IFT88: variants seen among roughly 807,000 people sequenced by gnomAD.
IFT88 encodes intraflagellar transport 88.
In IFT88, 74 loss-of-function variants were observed where a neutral mutation model predicts 119.5. The ratio of observed to expected loss-of-function variants is 0.62; its 90% CI spans 0.51 to 0.75. The LOEUF (loss-of-function observed/expected upper bound fraction) is 0.75. Ranked by LOEUF, IFT88 falls within the 30% of genes least tolerant of loss-of-function variation. IFT88 has a pLI of 0.00. For missense variants in IFT88, 961 were observed against 977.7 expected, an observed-to-expected ratio of 0.98 and a Z score of 0.23; for synonymous variants, 279 against 316.7, an observed-to-expected ratio of 0.88 and a Z score of 1.26.
intron 13 of IFT88, chr13:20,607,578 C>T (rs774879109): frequency 7.2e-5 from 53 of 736,638 alleles, no homozygotes; most frequent in South Asian, 3.4e-4. Flanking sequence ...GAGAGATTTG[C>T]GGATCCACCA....
chr13:20,669,105 A>G (rs1411046254), intron 23 of IFT88, among the ~76,000 whole-genome samples: 2 of 152,214 alleles, frequency 1.3e-5, no homozygotes, highest in African/African-American at 4.8e-5. Flanking sequence ...AAGCAGAAAG[A>G]CAAGAAGGAG....
intron 24 of IFT88, among the ~76,000 whole-genome samples, chr13:20,689,475 A>C (rs1369825645): frequency 1.3e-5 from 2 of 152,192 alleles, no homozygotes; most frequent in Non-Finnish European, 2.9e-5. Context: ...TTATCTCTGT[A>C]ATGAGAACAC....
intron 14 of IFT88, among the ~76,000 whole-genome samples, chr13:20,622,297 G>A (rs1324260238): frequency 6.6e-6 from 1 of 152,178 alleles, no homozygotes; most frequent in African/African-American, 2.4e-5. Flanking sequence ...AACATCCATT[G>A]TGTAGGTTTT....
chr13:20,686,064 G>A (rs1166076646), intron 24 of IFT88, among the ~76,000 whole-genome samples: 2 of 152,174 alleles, frequency 1.3e-5, no homozygotes, highest in Non-Finnish European at 2.9e-5. Context: ...CCCTGGAGCA[G>A]TTATTACAGG....
chr13:20,626,339 T>G (rs891420229), intron 15 of IFT88, among the ~76,000 whole-genome samples: 20 of 152,122 alleles, frequency 1.3e-4, no homozygotes, highest in South Asian at 4.2e-4. Context: ...GGATTACAGG[T>G]GTGAGCCACC....
At chr13:20,611,539 AAAG>A (rs1243166610) in intron 13 of IFT88, among the ~76,000 whole-genome samples, 1 of 139,904 alleles carries the variant, frequency 7.1e-6, no homozygotes, top group African/African-American at 2.6e-5. Flanking sequence ...AAAAAAAAAA[AAAG>A]ACTGAATGCT....
At chr13:20,643,636 T>C in intron 19 of IFT88, 31 bp downstream of exon 19, 1 of 1,488,348 alleles carries the variant, frequency 6.7e-7, no homozygotes, top group Non-Finnish European at 9.1e-7. Flanking sequence ...TCCTTCTGTG[T>C]TTTAGCATTT....
rs1271069359 is a variant in IFT88 at position 20,626,855 on chromosome 13, A to G, written c.1299+1006A>G. Among the ~76,000 whole-genome samples, 3 of 152,308 alleles carry G rather than the reference A, an allele frequency of 2.0e-5. No individual in the cohort carries two copies. In the East Asian group the frequency reaches 5.8e-4, roughly 29 times the overall value. On this transcript the variant is annotated intron_variant, in intron 15 of 25. Coordinates refer to ENST00000351808, the MANE Select transcript of IFT88 (RefSeq NM_006531.5). ...TGGTTAGTGTCATTATATGTCAGCA[A>G]CTAGAAAACTCAGCTCTTCCCAGTT...
intron 21 of IFT88, 75 bp from the exon 22 acceptor site, chr13:20,656,290 G>C: frequency 1.7e-6 from 1 of 587,756 alleles, no homozygotes; most frequent in Non-Finnish European, 2.9e-6. Flanking sequence ...CAGTATATCA[G>C]TTAAAATTAA....
chr13:20,611,854 C>T (rs949447146), intron 13 of IFT88, among the ~76,000 whole-genome samples: 2 of 152,128 alleles, frequency 1.3e-5, no homozygotes, highest in Non-Finnish European at 2.9e-5. Flanking sequence ...GATCCACCCA[C>T]CTTGGCCTCC....
chr13:20,604,977 T>G, intron 12 of IFT88, 58 bp from the exon 13 acceptor site: 1 of 877,284 alleles, frequency 1.1e-6, no homozygotes, highest in Non-Finnish European at 1.9e-6. Flanking sequence ...AAACAAAAAT[T>G]AAGTTCTTGC....
chr13:20,640,388 A>G (rs1322840859), intron 17 of IFT88, among the ~76,000 whole-genome samples: 1 of 151,464 alleles, frequency 6.6e-6, no homozygotes, highest in Non-Finnish European at 1.5e-5. Flanking sequence ...CCTGGCTAAC[A>G]CAGTGAAACC....
chr13:20,630,870 G>T, intron 15 of IFT88, 146 bp from the exon 16 acceptor site: 8 of 478,264 alleles, frequency 1.7e-5, no homozygotes, highest in Non-Finnish European at 1.9e-5. Flanking sequence ...TTATCTTCTT[G>T]TAATCTGTTT....
At chr13:20,623,513 C>T (rs200938132) in intron 14 of IFT88, among the ~76,000 whole-genome samples, 19 of 152,226 alleles carry the variant, frequency 1.2e-4, no homozygotes, top group East Asian at 1.2e-3. Flanking sequence ...TTTGCTCTGT[C>T]GCCCAGGCTG....
intron 24 of IFT88, among the ~76,000 whole-genome samples, chr13:20,680,552 A>G (rs545602213): frequency 2.6e-5 from 4 of 152,330 alleles, no homozygotes; most frequent in African/African-American, 7.2e-5. Flanking sequence ...TAGATTACTC[A>G]TTGTAACTGG....
intron 13 of IFT88, chr13:20,608,166 A>G (rs1948562300): frequency 3.0e-6 from 1 of 338,864 alleles, no homozygotes. Context: ...AGTCCAGAGG[A>G]CAGGACCAGA....
chr13:20,574,343 A>T, intron 1 of IFT88, 37 bp from the exon 2 acceptor site: 2 of 1,189,372 alleles, frequency 1.7e-6, no homozygotes, highest in Non-Finnish European at 2.4e-6. Flanking sequence ...TATATTTCTT[A>T]TACCAAGAAC....
chr13:20,631,374 G>A, intron 16 of IFT88: 1 of 324,696 alleles, frequency 3.1e-6, no homozygotes, highest in South Asian at 5.6e-5. Flanking sequence ...AGCTGGAAGA[G>A]CTAGAGATGT....
intron 14 of IFT88, among the ~76,000 whole-genome samples, chr13:20,617,004 C>T (rs563544238): frequency 1.3e-5 from 2 of 151,962 alleles, no homozygotes; most frequent in South Asian, 4.2e-4. Flanking sequence ...AGTGCAGTGG[C>T]GCAATCTCGG....
Sources: gnomAD v4.1 joint callset for allele counts (sites outside exome capture counted in the v4.1 genomes callset) on GRCh38, gnomAD v4.1.1 for gene constraint, MANE v1.5 for transcripts, NCBI Gene and HGNC (gene_info 2026-07-23, HGNC 2026-07-21) for gene names.